Variants in ZNF250 observed in about 807,000 individuals in gnomAD.
ZNF250 encodes zinc finger protein (clone 647).
A neutral mutation model predicts 37.1 loss-of-function variants in ZNF250; 13 were observed. That is an observed-to-expected ratio of 0.35 (90% confidence interval 0.23 to 0.56). ZNF250 has a LOEUF of 0.56. Among genes scored for constraint, ZNF250 ranks in the 20% least tolerant of loss-of-function variants. The pLI is 0.87. For missense variants in ZNF250, 474 were observed against 697.9 expected (o/e 0.68, Z 3.61); for synonymous variants, 251 against 265.6 (o/e 0.94, Z 0.54).
chr8:144,877,112 A>AT lies in ZNF250; in HGVS notation c.*4402dup, dbSNP rs552246390. 12 of 152,178 alleles carry AT rather than the reference A, an allele frequency of 7.9e-5. No individual in the cohort carries two copies. The highest frequency in any genetic ancestry group is 1.4e-4 in the African/African-American group (6 of 41,430). The allele number at this position is 152,178 out of a possible 1,614,324, so 9.4% of individuals were successfully genotyped here. ...ACAATTTTAAAAGAAATATATACGT[A>AT]TTTTTTGTGACAAGGTCTCTCTCTG... On this transcript the variant is annotated 3_prime_UTR_variant, in exon 6 of 6. Coordinates refer to ENST00000417550, the MANE Select transcript of ZNF250 (RefSeq NM_001109689.4).
At chr8:144,887,843 T>C (rs1285094232) in intron 4 of ZNF250, among the ~76,000 whole-genome samples, 1 of 152,240 alleles carries the variant, frequency 6.6e-6, no homozygotes, top group East Asian at 1.9e-4. Flanking sequence ...GGCTGGCATG[T>C]ACCTTGTTCC....
Position 144,898,253 on chromosome 8 carries a change from C to T in ZNF250, c.-55+3146G>A, listed in dbSNP as rs145726257. ...TGGAGTTTGCAGTGAGCCAAGATCG[C>T]GCCATTGCACTCCAGCCTGGGCAAC... On this transcript the variant is annotated intron_variant, in intron 1 of 5. Transcript: ENST00000417550. Among the ~76,000 whole-genome samples the T allele has an allele frequency of 6.3e-3, 958 of 151,980 alleles. 12 individuals carry two copies. Among genetic ancestry groups the T allele is most frequent in the African/African-American group, 0.022 (907 of 41,430 alleles).
chr8:144,895,239 A>C (rs1195713289), intron 1 of ZNF250: 1 of 152,206 alleles, frequency 6.6e-6, no homozygotes, highest in Admixed American at 6.5e-5. Context: ...ACACCTGCTA[A>C]AGAGAAAGAT....
intron 1 of ZNF250, among the ~76,000 whole-genome samples, chr8:144,895,487 G>A (rs1170763131): frequency 1.3e-5 from 2 of 152,162 alleles, no homozygotes; most frequent in African/African-American, 2.4e-5. Context: ...AGAGGAGAGC[G>A]CTAAGAACAG....
At chr8:144,886,224 A>G (rs1449443998) in intron 5 of ZNF250, among the ~76,000 whole-genome samples, 1 of 151,878 alleles carries the variant, frequency 6.6e-6, no homozygotes, top group Non-Finnish European at 1.5e-5. Flanking sequence ...TAATCCCAGC[A>G]TGTTGGGAGG....
Position 144,880,602 on chromosome 8 carries a change from G to A in ZNF250, c.*913C>T, listed in dbSNP as rs118186177. The A allele has an allele frequency of 0.029, 12,150 of 418,526 alleles. 346 individuals carry two copies. The highest frequency in any genetic ancestry group is 0.09 in the Admixed American group (3,492 of 38,784). 25.9% of individuals were successfully genotyped at this position (418,526 alleles called of 1,614,324 possible). On this transcript the variant is annotated 3_prime_UTR_variant, in exon 6 of 6. Transcript: ENST00000417550. ...TTCTAGGCCAGGCATGGTGCCTCAC[G>A]CCTGTAATCCCAACACTTTCGGAAG...
chr8:144,884,990 T>C (rs1415323277), intron 5 of ZNF250, among the ~76,000 whole-genome samples: 1 of 152,234 alleles, frequency 6.6e-6, no homozygotes, highest in Non-Finnish European at 1.5e-5. Flanking sequence ...AATTTGTGCC[T>C]ACTTTTCTTT....
upstream of ZNF250, chr8:144,902,095 C>T (rs1833138348): frequency 1.3e-5 from 2 of 152,390 alleles, no homozygotes; most frequent in Admixed American, 1.3e-4. Flanking sequence ...AGCCGCTCTT[C>T]GCTGTGTCCG....
chr8:144,898,356 A>C (rs1832864702), intron 1 of ZNF250, among the ~76,000 whole-genome samples: 1 of 151,930 alleles, frequency 6.6e-6, no homozygotes, highest in Non-Finnish European at 1.5e-5. Context: ...CAAAACAAAA[A>C]AACAACCAAA....
At position 144,882,521 on chromosome 8, in the gene ZNF250, G is replaced by A. The variant is rs1455300616; in HGVS notation, c.662C>T (p.Pro221Leu). Reference sequence around the variant, plus strand: ...CTTCCCACATACACTGCACACATAGGGCTTCTCTCCAGTGTGGATACGCTG... The same window carrying A: ...CTTCCCACATACACTGCACACATAGAGCTTCTCTCCAGTGTGGATACGCTG... The part of the protein sequence containing the change: ...QHQRIHTGEK[P>L]YVCSVCGKAF... Residue 221 changes from proline (P) to leucine (L), a missense_variant, in exon 6 of 6, where the codon CCC (proline) becomes CTC (leucine). Transcript: ENST00000417550. The surrounding 1 kb of genome is among the most constrained non-coding windows in gnomAD (Gnocchi z 5.5). 6.2e-7 allele frequency: 1 copy of A among 1,614,090 alleles called. No homozygotes were observed.
Position 144,890,174 on chromosome 8 carries a change from G to A in ZNF250, c.43-115C>T, listed in dbSNP as rs753943668. 124 of 1,527,584 alleles carry A rather than the reference G, an allele frequency of 8.1e-5. No homozygotes were observed. Among genetic ancestry groups the A allele is most frequent in the Non-Finnish European group, 9.8e-5 (110 of 1,122,932 alleles). 94.6% of individuals were successfully genotyped at this position (1,527,584 alleles called of 1,614,324 possible). On this transcript the variant is annotated intron_variant, in intron 2 of 5. Coordinates refer to ENST00000417550, the MANE Select transcript of ZNF250 (RefSeq NM_001109689.4). This position sits in a 1 kb window ranked among gnomAD's most constrained non-coding sequence, Gnocchi z 5.1. ...GCAGTGGGGGGCTCTGTGAGCTGAG[G>A]TGGGTGATGGGAAGGGGCCGCGGAG...
Position 144,881,813 on chromosome 8 carries a change from G to A in ZNF250, c.1370C>T (p.Ala457Val), listed in dbSNP as rs749171506. 10 of 1,613,922 alleles carry A rather than the reference G, an allele frequency of 6.2e-6. No individual in the cohort carries two copies. Among genetic ancestry groups the A allele is most frequent in the Non-Finnish European group, 8.5e-7 (1 of 1,180,008 alleles). The change falls in exon 6 of 6, where the codon GCA becomes GTA. Residue 457 changes from alanine to valine, a missense_variant. Ala to Val is a moderately conservative substitution (Grantham distance 64). Transcript: ENST00000417550. ...VCGECGHAFS[A>V]RRSLIQHERI... ...CTCATGCTGGATCAGAGACCGGCGT[G>A]CACTGAAGGCGTGCCCACATTCACC...
In ZNF250 at chr8:144,879,164, T is replaced by A. The variant is rs1362248509; in HGVS notation, c.*2351A>T. The A allele has an allele frequency of 6.6e-6, 1 of 152,258 alleles. No homozygotes were observed. Among genetic ancestry groups the A allele is most frequent in the Non-Finnish European group, 1.5e-5 (1 of 68,042 alleles). 9.4% of individuals were successfully genotyped at this position (152,258 alleles called of 1,614,324 possible). A position where few individuals can be genotyped will look rare whatever the true frequency, so the allele number is the denominator to read the frequency against. On this transcript the variant is annotated 3_prime_UTR_variant, in exon 6 of 6. Coordinates refer to ENST00000417550, the MANE Select transcript of ZNF250 (RefSeq NM_001109689.4). ...TAACACCTTGGTTATCTGAGCTATCTGAGGTTTCACTTCAGTGATCTCAGT... is the reference window on the plus strand; with the variant it reads ...TAACACCTTGGTTATCTGAGCTATCAGAGGTTTCACTTCAGTGATCTCAGT...
rs1169825958 is a variant in ZNF250 at position 144,897,123 on chromosome 8, T to G, written c.-55+4276A>C. On this transcript the variant is annotated intron_variant, in intron 1 of 5. Coordinates refer to ENST00000417550, the MANE Select transcript of ZNF250 (RefSeq NM_001109689.4). The surrounding 1 kb of genome is among the most constrained non-coding windows in gnomAD (Gnocchi z 5.2). ...ACTGTCTTGATGTGACAAAGCAGTG[T>G]GCCTGTCATTCCAGAGGACCCTGCA... 6.6e-6 allele frequency among the ~76,000 whole-genome samples: 1 copy of G among 152,224 alleles called. No homozygotes were observed. The highest frequency in any genetic ancestry group is 1.5e-5 in the Non-Finnish European group (1 of 68,036).
intron 5 of ZNF250, among the ~76,000 whole-genome samples, chr8:144,884,049 A>G (rs1467386990): frequency 6.6e-6 from 1 of 151,504 alleles, no homozygotes; most frequent in African/African-American, 2.4e-5. Context: ...GGCTCTAAAC[A>G]TTATTATATT....
At position 144,881,788 on chromosome 8, in the gene ZNF250, C is replaced by G; in HGVS notation, c.1395G>C (p.Glu465Asp). 4 of 1,614,202 alleles carry G rather than the reference C, an allele frequency of 2.5e-6. No homozygotes were observed. The highest frequency in any genetic ancestry group is 3.4e-6 in the Non-Finnish European group (4 of 1,180,028). Residue 465 changes from glutamate (E) to aspartate (D), a missense_variant, in exon 6 of 6, where the codon GAG becomes GAC. Around this residue, in one of 2 missense-constraint regions of ZNF250, gnomAD observed 282 missense variants for 470.4 expected, o/e 0.60. Transcript: ENST00000417550. ...FSARRSLIQHERIHTGEKPFQ... is the reference protein window; with the variant it reads ...FSARRSLIQHDRIHTGEKPFQ... ...AGGGCTTTTCACCTGTGTGGATTCTCTCATGCTGGATCAGAGACCGGCGTG... is the reference window on the plus strand; with the variant it reads ...AGGGCTTTTCACCTGTGTGGATTCTGTCATGCTGGATCAGAGACCGGCGTG...
chr8:144,894,288 A>G (rs1832558249), intron 1 of ZNF250, among the ~76,000 whole-genome samples: 1 of 151,294 alleles, frequency 6.6e-6, no homozygotes, highest in Admixed American at 6.6e-5. Context: ...GGGCAGACAG[A>G]CTCCCAGCAC....
rs1832254583 is a variant in ZNF250, at chr8:144,890,466, C to T, written c.-54-63G>A. 1 of 1,002,490 alleles carries T rather than the reference C, an allele frequency of 1.0e-6. No homozygotes were observed. The highest frequency in any genetic ancestry group is 1.4e-6 in the Non-Finnish European group (1 of 722,474). 62.1% of individuals were successfully genotyped at this position (1,002,490 alleles called of 1,614,324 possible). On this transcript the variant is annotated intron_variant, in intron 1 of 5. Transcript: ENST00000417550. This position sits in a 1 kb window ranked among gnomAD's most constrained non-coding sequence, Gnocchi z 5.1. ...TGAGACCGTAACTTCCTAGGGGGCC[C>T]TCAGGGGATCCCTGGGCCTCATTCA...
At chr8:144,895,867 G>C (rs1198470073) in intron 1 of ZNF250, among the ~76,000 whole-genome samples, 3 of 151,846 alleles carry the variant, frequency 2.0e-5, no homozygotes, top group Non-Finnish European at 4.4e-5. Context: ...AAGTTAGTCA[G>C]GCATGGTGGC....
Sources: allele counts gnomAD v4.1 joint callset (sites outside exome capture counted in the v4.1 genomes callset), GRCh38; gene constraint gnomAD v4.1.1; regional missense constraint gnomAD v4.1.1; non-coding constraint Gnocchi (gnomAD v3.1); transcripts MANE v1.5; gene names NCBI Gene and HGNC (gene_info 2026-07-23, HGNC 2026-07-21).